The following GPHN variants were observed in gnomAD, a reference collection of about 807,000 sequenced individuals.
The protein encoded by GPHN is gephyrin.
GPHN carries 17 observed loss-of-function variants against 95.5 expected under a neutral mutation model. That is an observed-to-expected ratio of 0.18 (90% CI 0.12 to 0.27). The LOEUF (loss-of-function observed/expected upper bound fraction) is 0.27, where lower values mean the gene tolerates loss of function less well. Ranked by LOEUF, GPHN falls within the 10% of genes least tolerant of loss-of-function variation. The pLI, the probability that GPHN is intolerant of heterozygous loss-of-function variation, is 1.00. For synonymous variants in GPHN, 320 were observed against 322.5 expected (o/e 0.99, Z 0.08); for missense variants, 660 against 978.1 (o/e 0.67, Z 4.34).
intron 3 of GPHN, among the ~76,000 whole-genome samples, chr14:66,792,699 C>T (rs2060015089): frequency 6.6e-6 from 1 of 152,172 alleles, no homozygotes; most frequent in African/African-American, 2.4e-5. Flanking sequence ...CAAAGACCAG[C>T]TCAGTCAGGG....
the GPHN span, among the ~76,000 whole-genome samples, chr14:67,621,377 G>A: frequency 6.6e-6 from 1 of 151,952 alleles, no homozygotes; most frequent in African/African-American, 2.4e-5. Context: ...CTTTATTACT[G>A]GAAGCAGTAA....
intron 16 of GPHN, among the ~76,000 whole-genome samples, chr14:67,120,260 G>T (rs2078947001): frequency 6.6e-6 from 1 of 152,014 alleles, no homozygotes; most frequent in Admixed American, 6.5e-5. Flanking sequence ...TTTTGAAACT[G>T]TAATAAATTT....
At chr14:67,185,492 T>A (rs1755600574), downstream of GPHN, among the ~76,000 whole-genome samples, 1 of 152,230 alleles carries the variant, frequency 6.6e-6, no homozygotes, top group African/African-American at 2.4e-5. Flanking sequence ...TTTGACAAAT[T>A]ATATAAGAAG....
the GPHN span, among the ~76,000 whole-genome samples, chr14:67,321,879 CTA>C: frequency 6.6e-6 from 1 of 152,022 alleles, no homozygotes; most frequent in Non-Finnish European, 1.5e-5. Context: ...TAATTTGAGT[CTA>C]TGAAATAATT....
the GPHN span, chr14:67,586,072 TG>T: frequency 6.2e-7 from 1 of 1,613,994 alleles, no homozygotes; most frequent in South Asian, 1.1e-5. Context: ...ATTGAGAAGT[TG>T]ATCTTCCGGA....
chr14:66,635,732 T>G lies in GPHN; in HGVS notation c.65-45375T>G, dbSNP rs147420687. Among the ~76,000 whole-genome samples the G allele has an allele frequency of 5.9e-5, 9 of 152,346 alleles. No individual in the cohort carries two copies. In the East Asian group the frequency reaches 1.7e-3, roughly 29 times the overall value. On this transcript the variant is annotated intron_variant, in intron 1 of 22. Coordinates refer to ENST00000478722, the MANE Select transcript of GPHN (RefSeq NM_020806.5). Reference sequence around the variant, plus strand: ...AGAAAGGAATGAGGTGTACTGGAATTCCTAGCACTGTGATACTCAAAATGT... The same window carrying G: ...AGAAAGGAATGAGGTGTACTGGAATGCCTAGCACTGTGATACTCAAAATGT...
chr14:67,394,649 TAAC>T, the GPHN span, among the ~76,000 whole-genome samples: 1 of 152,124 alleles, frequency 6.6e-6, no homozygotes, highest in Non-Finnish European at 1.5e-5. Context: ...TGATGGGTGT[TAAC>T]AGTTCTTTTG....
intron 1 of GPHN, among the ~76,000 whole-genome samples, chr14:66,574,624 T>C (rs184385906): frequency 6.6e-6 from 1 of 152,304 alleles, no homozygotes; most frequent in East Asian, 1.9e-4. Context: ...AAGGAACATA[T>C]AGGGAATTGG....
At chr14:67,651,999 G>A in the GPHN span, among the ~76,000 whole-genome samples, 1 of 152,132 alleles carries the variant, frequency 6.6e-6, no homozygotes, top group African/African-American at 2.4e-5. Flanking sequence ...CCAACCTCTG[G>A]TTCTCATGTT....
chr14:66,982,088 G>T (rs1481879375), intron 9 of GPHN, among the ~76,000 whole-genome samples: 2 of 151,928 alleles, frequency 1.3e-5, no homozygotes, highest in Non-Finnish European at 2.9e-5. Flanking sequence ...TTGAAGTTTT[G>T]TATTTTATTT....
the GPHN span, among the ~76,000 whole-genome samples, chr14:67,419,035 G>C: frequency 6.6e-6 from 1 of 152,074 alleles, no homozygotes; most frequent in Non-Finnish European, 1.5e-5. Context: ...AGATGTCTCA[G>C]GGCCATCAGG....
chr14:67,645,697 T>G, the GPHN span: 1 of 1,614,060 alleles, frequency 6.2e-7, no homozygotes, highest in Non-Finnish European at 8.5e-7. Flanking sequence ...ACCTTTGTGT[T>G]GTCTGGGTTG....
intron 9 of GPHN, among the ~76,000 whole-genome samples, chr14:66,968,119 C>G (rs2069478139): frequency 6.6e-6 from 1 of 151,900 alleles, no homozygotes; most frequent in Non-Finnish European, 1.5e-5. Context: ...GCACCGAGCT[C>G]TGTTTAATAA....
At chr14:67,182,013 G>C (rs1170086754), downstream of GPHN, among the ~76,000 whole-genome samples, 2 of 152,114 alleles carry the variant, frequency 1.3e-5, no homozygotes, top group Non-Finnish European at 1.5e-5. Context: ...TGAGAAGGAA[G>C]GAGAACCTGC....
At chr14:67,565,750 T>A in the GPHN span, among the ~76,000 whole-genome samples, 1 of 152,094 alleles carries the variant, frequency 6.6e-6, no homozygotes, top group Non-Finnish European at 1.5e-5. Context: ...GGGGGTGACA[T>A]CAGGGTGGAC....
chr14:67,615,878 T>C, the GPHN span: 1 of 612,062 alleles, frequency 1.6e-6, no homozygotes. Context: ...GGGAGGGATG[T>C]GGAATAACAC....
At chr14:67,393,925 G>A in the GPHN span, among the ~76,000 whole-genome samples, 1 of 152,166 alleles carries the variant, frequency 6.6e-6, no homozygotes, top group African/African-American at 2.4e-5. Context: ...ATATTTTCTG[G>A]AAGACAAGTG....
chr14:67,518,501 C>T, the GPHN span, among the ~76,000 whole-genome samples: 59 of 152,296 alleles, frequency 3.9e-4, no homozygotes, highest in Admixed American at 3.7e-3. Flanking sequence ...GTAAAGGCCC[C>T]GCCACGGTAG....
the GPHN span, among the ~76,000 whole-genome samples, chr14:67,411,678 C>G: frequency 6.6e-6 from 1 of 152,178 alleles, no homozygotes; most frequent in Non-Finnish European, 1.5e-5. Context: ...CAGAGCACGC[C>G]TATATTATCT....
Sources: allele counts gnomAD v4.1 joint callset (sites outside exome capture counted in the v4.1 genomes callset), GRCh38; gene constraint gnomAD v4.1.1; transcripts MANE v1.5; gene names NCBI Gene and HGNC (gene_info 2026-07-23, HGNC 2026-07-21).